Variants in KCNJ3 observed in about 807,000 individuals in gnomAD.
KCNJ3 encodes potassium inwardly rectifying channel subfamily J member 3.
A neutral mutation model predicts 39.2 loss-of-function variants in KCNJ3; 4 were observed. The observed-to-expected ratio is 0.10, with a 90% CI of 0.05 to 0.23. The LOEUF (loss-of-function observed/expected upper bound fraction) is 0.23, where lower values mean the gene tolerates loss of function less well. KCNJ3 is among the 10% of genes least tolerant of loss of function. The pLI, the probability that KCNJ3 is intolerant of heterozygous loss-of-function variation, is 1.00. For synonymous variants in KCNJ3, 230 were observed against 237.4 expected, an observed-to-expected ratio of 0.97 and a Z score of 0.29; for missense variants, 276 against 634.9, an observed-to-expected ratio of 0.43 and a Z score of 6.08.
chr2:154,737,814 A>C (rs957965902), intron 2 of KCNJ3, among the ~76,000 whole-genome samples: 3 of 152,188 alleles, frequency 2.0e-5, no homozygotes, highest in African/African-American at 7.2e-5. Context: ...GGTTATCTTA[A>C]AGGTGAAGAG....
chr2:154,760,987 T>C (rs1469181228), intron 2 of KCNJ3, among the ~76,000 whole-genome samples: 6 of 151,324 alleles, frequency 4.0e-5, no homozygotes. Context: ...TCCACCCGCC[T>C]TGGCCTCCCA....
intron 2 of KCNJ3, among the ~76,000 whole-genome samples, chr2:154,793,622 T>TTTAAAACACAAACACAAACA (rs1284801317): frequency 1.2e-4 from 19 of 152,124 alleles, no homozygotes; most frequent in African/African-American, 4.6e-4. Flanking sequence ...TAAAGCTGTA[T>TTTAAAACACAAACACAAACA]CTGTAGTTTA....
intron 2 of KCNJ3, among the ~76,000 whole-genome samples, chr2:154,739,179 G>A (rs1034394752): frequency 6.6e-6 from 1 of 151,902 alleles, no homozygotes. Context: ...TAGCATGTGG[G>A]AGTATTAACC....
At chr2:154,817,242 C>T (rs1423827884) in intron 2 of KCNJ3, among the ~76,000 whole-genome samples, 1 of 152,166 alleles carries the variant, frequency 6.6e-6, no homozygotes, top group African/African-American at 2.4e-5. Context: ...AGTCTCAAAT[C>T]ACTTTATTTC....
intron 2 of KCNJ3, among the ~76,000 whole-genome samples, chr2:154,756,921 G>A (rs1016711672): frequency 2.0e-4 from 31 of 152,078 alleles, no homozygotes; most frequent in Admixed American, 8.5e-4. Context: ...AGAGGATTTT[G>A]ACTGAAATAC....
At chr2:154,703,587 T>C (rs1459864151) in intron 1 of KCNJ3, among the ~76,000 whole-genome samples, 1 of 151,898 alleles carries the variant, frequency 6.6e-6, no homozygotes, top group Non-Finnish European at 1.5e-5. Context: ...CAAGTGCAGA[T>C]GCAATAAAAA....
At chr2:154,780,550 G>A (rs1474570520) in intron 2 of KCNJ3, among the ~76,000 whole-genome samples, 2 of 152,008 alleles carry the variant, frequency 1.3e-5, no homozygotes, top group Non-Finnish European at 2.9e-5. Flanking sequence ...AGGCAGTGGA[G>A]ACAGAGAAGA....
chr2:154,805,575 G>T (rs999217304), intron 2 of KCNJ3, among the ~76,000 whole-genome samples: 1 of 152,008 alleles, frequency 6.6e-6, no homozygotes, highest in Non-Finnish European at 1.5e-5. Context: ...ACAAATTCCT[G>T]GCATCTAAAT....
intron 2 of KCNJ3, among the ~76,000 whole-genome samples, chr2:154,762,834 G>A (rs1257998468): frequency 6.6e-6 from 1 of 152,184 alleles, no homozygotes; most frequent in Non-Finnish European, 1.5e-5. Flanking sequence ...ACTTAAAAAT[G>A]TAAATAGCCT....
intron 1 of KCNJ3, among the ~76,000 whole-genome samples, chr2:154,701,151 A>G (rs1379599492): frequency 1.3e-5 from 2 of 152,126 alleles, no homozygotes; most frequent in Non-Finnish European, 2.9e-5. Context: ...CATAGACCAC[A>G]ATATAGCACC....
chr2:154,836,648 A>T, intron 2 of KCNJ3, among the ~76,000 whole-genome samples: 1 of 152,096 alleles, frequency 6.6e-6, no homozygotes, highest in African/African-American at 2.4e-5. Flanking sequence ...ATTGTGATGC[A>T]TTTTCGCAAC....
chr2:154,719,860 G>A (rs914357925), intron 2 of KCNJ3, among the ~76,000 whole-genome samples: 1 of 152,088 alleles, frequency 6.6e-6, no homozygotes, highest in African/African-American at 2.4e-5. Context: ...GGTCCAGACA[G>A]AGTGAGTCTC....
intron 2 of KCNJ3, among the ~76,000 whole-genome samples, chr2:154,848,254 C>G (rs1160600891): frequency 6.6e-6 from 1 of 152,170 alleles, no homozygotes; most frequent in South Asian, 2.1e-4. Flanking sequence ...CTGGACTTAG[C>G]TTTGCTGTTT....
chr2:154,757,390 G>A (rs1339001702), intron 2 of KCNJ3, among the ~76,000 whole-genome samples: 1 of 152,092 alleles, frequency 6.6e-6, no homozygotes, highest in Non-Finnish European at 1.5e-5. Context: ...AGTGCTTCTA[G>A]AGTATCAAAA....
intron 2 of KCNJ3, among the ~76,000 whole-genome samples, chr2:154,774,872 A>T (rs1686304855): frequency 1.3e-5 from 2 of 151,982 alleles, no homozygotes; most frequent in Non-Finnish European, 2.9e-5. Context: ...AACATCTCCC[A>T]ATGAATTTTA....
At position 154,854,857 on chromosome 2, in the gene KCNJ3, A is replaced by G; in HGVS notation, c.1050A>G (p.Glu350=). The change falls in exon 3 of 3, where the codon GAA becomes GAG. Residue 350 remains glutamate, a synonymous_variant. Transcript: ENST00000295101. ...ACTCCCAGTTCCATGCAACATTTGAAGTCCCCACCCCACCTTACAGTGTGA... is the reference window on the plus strand; with the variant it reads ...ACTCCCAGTTCCATGCAACATTTGAGGTCCCCACCCCACCTTACAGTGTGA... ...VDYSQFHATF[E]VPTPPYSVKE... The G allele has an allele frequency of 6.2e-7, 1 of 1,614,016 alleles. No homozygotes were observed. The highest frequency in any genetic ancestry group is 1.7e-5 in the Admixed American group (1 of 60,000).
intron 2 of KCNJ3, among the ~76,000 whole-genome samples, chr2:154,752,700 C>T (rs1685867675): frequency 6.6e-6 from 1 of 152,000 alleles, no homozygotes; most frequent in Non-Finnish European, 1.5e-5. Flanking sequence ...AGTGTTCATA[C>T]TTCTCTATCC....
chr2:154,801,652 A>G (rs1045794227), intron 2 of KCNJ3, among the ~76,000 whole-genome samples: 1 of 146,766 alleles, frequency 6.8e-6, no homozygotes, highest in Non-Finnish European at 1.5e-5. Context: ...AGGTTGATAC[A>G]GGGTCTCATT....
intron 2 of KCNJ3, among the ~76,000 whole-genome samples, chr2:154,740,592 T>TAAG (rs781120254): frequency 1.3e-5 from 2 of 151,928 alleles, no homozygotes; most frequent in Non-Finnish European, 2.9e-5. Flanking sequence ...GACAGTTGGG[T>TAAG]AAGAAGACAC....
Sources: allele counts gnomAD v4.1 joint callset (sites outside exome capture counted in the v4.1 genomes callset), GRCh38; gene constraint gnomAD v4.1.1; transcripts MANE v1.5; gene names NCBI Gene and HGNC (gene_info 2026-07-23, HGNC 2026-07-21).